CTNNA1: variants seen among roughly 807,000 people sequenced by gnomAD.
The protein encoded by CTNNA1 is catenin alpha 1, also known as catenin alpha-1.
A neutral mutation model predicts 98.4 loss-of-function variants in CTNNA1; 37 were observed. The observed-to-expected ratio is 0.38, with a 90% CI of 0.29 to 0.49. The LOEUF (loss-of-function observed/expected upper bound fraction) is 0.49. Among genes scored for constraint, CTNNA1 ranks in the 20% least tolerant of loss-of-function variants. The pLI, the probability that CTNNA1 is intolerant of heterozygous loss-of-function variation, is 0.95. For missense variants in CTNNA1, 761 were observed against 1,147.2 expected, an observed-to-expected ratio of 0.66 and a Z score of 4.86; for synonymous variants, 404 against 413.2, an observed-to-expected ratio of 0.98 and a Z score of 0.27.
In CTNNA1 at chr5:138,801,339, T is replaced by C. The variant is rs369485994; in HGVS notation, c.302-8699T>C. Among the ~76,000 whole-genome samples, 43 of 152,360 alleles carry C rather than the reference T, an allele frequency of 2.8e-4. 1 individual carries two copies. In the South Asian group the frequency reaches 5.0e-3, roughly 18 times the overall value. Reference sequence around the variant, plus strand: ...GTTTGTGTATATTTATGGTAGTACATGATAAAATAGGCTAGTATCTACAGA... The same window carrying C: ...GTTTGTGTATATTTATGGTAGTACACGATAAAATAGGCTAGTATCTACAGA... On this transcript the variant is annotated intron_variant, in intron 3 of 17. Transcript: ENST00000302763.
chr5:138,917,349 T>C (rs1399371720), intron 10 of CTNNA1, among the ~76,000 whole-genome samples: 1 of 152,230 alleles, frequency 6.6e-6, no homozygotes, highest in Admixed American at 6.5e-5. Context: ...TTTAAACATA[T>C]ATTTAATGAT....
chr5:138,853,266 C>T (rs1179422073), intron 7 of CTNNA1, among the ~76,000 whole-genome samples: 1 of 152,016 alleles, frequency 6.6e-6, no homozygotes, highest in African/African-American at 2.4e-5. Flanking sequence ...ATTAAAGTTG[C>T]ATTTCCCTTG....
At chr5:138,889,178 A>G (rs1449876293) in intron 9 of CTNNA1, among the ~76,000 whole-genome samples, 1 of 152,182 alleles carries the variant, frequency 6.6e-6, no homozygotes, top group Non-Finnish European at 1.5e-5. Context: ...CATGGTAGGA[A>G]GCAAGGATGC....
intron 3 of CTNNA1, among the ~76,000 whole-genome samples, chr5:138,787,509 C>T (rs1420541334): frequency 6.6e-6 from 1 of 152,058 alleles, no homozygotes; most frequent in Non-Finnish European, 1.5e-5. Context: ...AAGAAATGGT[C>T]ATGGGGGATG....
At chr5:138,916,952 T>C (rs1761935121) in intron 10 of CTNNA1, among the ~76,000 whole-genome samples, 1 of 151,968 alleles carries the variant, frequency 6.6e-6, no homozygotes, top group Non-Finnish European at 1.5e-5. Context: ...TTTTGTATTT[T>C]TAGTAGAGAC....
intron 16 of CTNNA1, chr5:138,932,158 G>C: frequency 1.0e-6 from 1 of 996,840 alleles, no homozygotes; most frequent in Non-Finnish European, 1.2e-6. Flanking sequence ...TGTTTACTTA[G>C]CTAAAAACAT....
At chr5:138,933,776 T>G (rs1765958200) in intron 17 of CTNNA1, 26 bp from the exon 18 acceptor site, 4 of 1,606,868 alleles carry the variant, frequency 2.5e-6, no homozygotes, top group Non-Finnish European at 3.4e-6. Flanking sequence ...GGCCGGTGCT[T>G]CTTACCACCC....
chr5:138,910,226 C>CTTTTTTT (rs70982740), intron 10 of CTNNA1, among the ~76,000 whole-genome samples: 34 of 53,272 alleles, frequency 6.4e-4, no homozygotes, highest in African/African-American at 1.1e-3. Context: ...TCCTACTTTT[C>CTTTTTTT]TTTTTTTTTT....
chr5:138,799,857 G>GATGTATGTATGTATGTATGT (rs55698183), intron 3 of CTNNA1, among the ~76,000 whole-genome samples: 30 of 149,132 alleles, frequency 2.0e-4, no homozygotes, highest in Middle Eastern at 3.4e-3. Flanking sequence ...AGTAGATGTA[G>GATGTATGTATGTATGTATGT]ATGTATGTAT....
chr5:138,924,260 T>G (rs752730446), intron 11 of CTNNA1, among the ~76,000 whole-genome samples: 32 of 151,534 alleles, frequency 2.1e-4, no homozygotes, highest in Admixed American at 1.5e-3. Flanking sequence ...CCTGTTTTTT[T>G]TGTGTGTGTT....
At chr5:138,868,624 C>T (rs1456683690) in intron 7 of CTNNA1, among the ~76,000 whole-genome samples, 2 of 152,202 alleles carry the variant, frequency 1.3e-5, no homozygotes, top group African/African-American at 4.8e-5. Flanking sequence ...GAGCCTGGGA[C>T]AGTTGTTTGT....
rs1205538954 is a variant in CTNNA1, at chr5:138,798,716, C to T, written c.302-11322C>T. Reference sequence around the variant, plus strand: ...ACTCCAGAGGAACTTATTTTATTCCCAGCTCAGGAGAGAACATCAGGGGAT... The same window carrying T: ...ACTCCAGAGGAACTTATTTTATTCCTAGCTCAGGAGAGAACATCAGGGGAT... On this transcript the variant is annotated intron_variant, in intron 3 of 17. Transcript: ENST00000302763. Among the ~76,000 whole-genome samples the T allele has an allele frequency of 2.6e-5, 4 of 152,238 alleles. No individual in the cohort carries two copies. In the South Asian group the frequency reaches 8.3e-4, roughly 32 times the overall value.
chr5:138,911,467 C>G (rs1159577746), intron 10 of CTNNA1, among the ~76,000 whole-genome samples: 1 of 151,856 alleles, frequency 6.6e-6, no homozygotes. Context: ...GACCCCCCCC[C>G]AATATAATCA....
intron 7 of CTNNA1, among the ~76,000 whole-genome samples, chr5:138,855,639 C>G (rs1019503199): frequency 4.6e-5 from 7 of 152,088 alleles, no homozygotes; most frequent in African/African-American, 1.7e-4. Flanking sequence ...CAATTTTGTA[C>G]GGTGTTTGGT....
intron 7 of CTNNA1, among the ~76,000 whole-genome samples, chr5:138,880,034 C>T (rs1012378519): frequency 3.9e-5 from 6 of 152,158 alleles, no homozygotes; most frequent in Admixed American, 2.0e-4. Flanking sequence ...AGCAATGCGT[C>T]TAAGTTGGGC....
At chr5:138,757,276 G>A (rs1751770201) in intron 1 of CTNNA1, among the ~76,000 whole-genome samples, 1 of 152,108 alleles carries the variant, frequency 6.6e-6, no homozygotes, top group African/African-American at 2.4e-5. Flanking sequence ...TTAGGGGCCA[G>A]GTGAAGGGGA....
intron 9 of CTNNA1, among the ~76,000 whole-genome samples, chr5:138,901,314 C>A (rs1024099524): frequency 6.6e-6 from 1 of 152,098 alleles, no homozygotes; most frequent in Admixed American, 6.5e-5. Context: ...CGTGCCACCA[C>A]GCTGGGCCAA....
intron 10 of CTNNA1, among the ~76,000 whole-genome samples, chr5:138,908,625 A>C (rs1336082901): frequency 6.6e-6 from 1 of 151,916 alleles, no homozygotes; most frequent in African/African-American, 2.4e-5. Context: ...TGATTATACC[A>C]CTGCACTCCA....
rs994115752 is a variant in CTNNA1 at position 138,812,107 on chromosome 5, A to T, written c.469-76A>T. 7 of 1,388,160 alleles carry T rather than the reference A, an allele frequency of 5.0e-6. No homozygotes were observed. In the South Asian group the frequency reaches 9.2e-5, roughly 18 times the overall value. The allele number at this position is 1,388,160 out of a possible 1,614,324, so 86.0% of individuals were successfully genotyped here. ...TTTGAGTAGTTGTTAACAGGAATGAAAATTCCTAGGATGCCATCTTCTTTA... is the reference window on the plus strand; with the variant it reads ...TTTGAGTAGTTGTTAACAGGAATGATAATTCCTAGGATGCCATCTTCTTTA... On this transcript the variant is annotated intron_variant, in intron 4 of 17. Transcript: ENST00000302763.
Sources: gnomAD v4.1 joint callset for allele counts (sites outside exome capture counted in the v4.1 genomes callset) on GRCh38, gnomAD v4.1.1 for gene constraint, MANE v1.5 for transcripts, NCBI Gene and HGNC (gene_info 2026-07-23, HGNC 2026-07-21) for gene names.